Variants in EXD3 observed in about 807,000 individuals in gnomAD.
EXD3 encodes the protein exonuclease 3'-5' domain containing 3.
Under a neutral mutation model 98.0 loss-of-function variants are expected in EXD3, and 92 were observed. That is an observed-to-expected ratio of 0.94 (90% CI 0.79 to 1.12). The LOEUF is 1.12. EXD3 is among the 50% of genes most tolerant of loss of function. EXD3 has a pLI of 0.00. For synonymous variants in EXD3, 569 were observed against 526.0 expected (o/e 1.08, Z -1.12); for missense variants, 1,222 against 1,191.6 (o/e 1.03, Z -0.38).
intron 19 of EXD3, among the ~76,000 whole-genome samples, chr9:137,310,492 G>A (rs1044771424): frequency 6.6e-6 from 1 of 152,214 alleles, no homozygotes; most frequent in Non-Finnish European, 1.5e-5. Context: ...GTTTCCCAAA[G>A]TGCTGGGACT....
intron 17 of EXD3, among the ~76,000 whole-genome samples, chr9:137,327,067 G>T (rs80155714): frequency 0.02 from 2,992 of 152,132 alleles, 94 homozygotes; most frequent in East Asian, 0.15. Flanking sequence ...AATTCATAGA[G>T]GCAGAAAGTG....
At chr9:137,315,418 C>T (rs868321690) in intron 19 of EXD3, among the ~76,000 whole-genome samples, 7 of 152,344 alleles carry the variant, frequency 4.6e-5, no homozygotes, top group South Asian at 2.1e-4. Context: ...GTGGGCCTGA[C>T]CCGCTGGCAG....
chr9:137,401,324 T>C (rs1837473971), intron 1 of EXD3, among the ~76,000 whole-genome samples: 1 of 151,934 alleles, frequency 6.6e-6, no homozygotes, highest in Non-Finnish European at 1.5e-5. Context: ...CGACTAAATA[T>C]TTTTGTATTT....
chr9:137,413,568 C>G (rs1054222197), intron 1 of EXD3, among the ~76,000 whole-genome samples: 5 of 146,214 alleles, frequency 3.4e-5, no homozygotes, highest in Non-Finnish European at 5.9e-5. Flanking sequence ...TGCAGTGGTG[C>G]GATCCCAGCT....
At chr9:137,309,542 G>T in intron 20 of EXD3, 65 bp downstream of exon 20, 1 of 1,363,436 alleles carries the variant, frequency 7.3e-7, no homozygotes, top group Non-Finnish European at 1.0e-6. Flanking sequence ...CCTCTCCCTG[G>T]CTACCTCAGT....
At chr9:137,383,206 G>T (rs1836406477) in intron 3 of EXD3, 107 bp downstream of exon 3, 2 of 913,974 alleles carry the variant, frequency 2.2e-6, no homozygotes, top group African/African-American at 1.7e-5. Context: ...GCCGTGGGGG[G>T]CTGTGCAGCT....
intron 10 of EXD3, 91 bp downstream of exon 10, chr9:137,354,248 T>C: frequency 6.5e-7 from 1 of 1,550,044 alleles, no homozygotes; most frequent in Non-Finnish European, 8.7e-7. Flanking sequence ...GCCTCAGCTC[T>C]GCGCACTTCC....
intron 19 of EXD3, among the ~76,000 whole-genome samples, chr9:137,311,517 G>C (rs1831360801): frequency 6.6e-6 from 1 of 152,244 alleles, no homozygotes; most frequent in African/African-American, 2.4e-5. Context: ...GGCCTTCCCA[G>C]GACCTGGGCC....
chr9:137,318,194 C>G (rs1478235696), intron 19 of EXD3, among the ~76,000 whole-genome samples: 2 of 152,156 alleles, frequency 1.3e-5, no homozygotes, highest in Non-Finnish European at 2.9e-5. Context: ...GGAGCCCACT[C>G]TGTCCCCTCC....
intron 20 of EXD3, among the ~76,000 whole-genome samples, chr9:137,309,056 G>A (rs940585194): frequency 5.3e-5 from 8 of 152,124 alleles, no homozygotes; most frequent in African/African-American, 1.7e-4. Flanking sequence ...CCTCCCTCCC[G>A]AGGGTAGGGG....
chr9:137,351,265 G>T (rs952595103), intron 13 of EXD3, 53 bp downstream of exon 13: 142 of 1,563,850 alleles, frequency 9.1e-5, no homozygotes, highest in Non-Finnish European at 1.1e-4. Flanking sequence ...TCAGGCAGGG[G>T]TGCGGGCTGC....
Position 137,393,642 on chromosome 9 carries a change from G to A in EXD3, c.55+1661C>T, listed in dbSNP as rs1207898253. Among the ~76,000 whole-genome samples, 1 of 152,192 alleles carries A rather than the reference G, an allele frequency of 6.6e-6. No individual in the cohort carries two copies. The highest frequency in any genetic ancestry group is 1.5e-5 in the Non-Finnish European group (1 of 68,012). On this transcript the variant is annotated intron_variant, in intron 2 of 21. Coordinates refer to ENST00000340951, the MANE Select transcript of EXD3 (RefSeq NM_017820.5). The surrounding 1 kb of genome is among the most constrained non-coding windows in gnomAD (Gnocchi z 4.6). The stretch of plus-strand genomic sequence containing the variant: ...GAAGGCAGAGAGGAAGCCCCTGGAG[G>A]GGTCCAAGGCCCGAGGAGGCAACTG...
intron 3 of EXD3, among the ~76,000 whole-genome samples, chr9:137,380,812 G>A (rs1415594395): frequency 2.7e-5 from 4 of 148,556 alleles, no homozygotes; most frequent in Admixed American, 6.7e-5. Flanking sequence ...AGGCCCCCCC[G>A]AGGGGCTGTT....
intron 6 of EXD3, among the ~76,000 whole-genome samples, chr9:137,367,155 CA>C (rs748222804): frequency 6.6e-6 from 1 of 152,212 alleles, no homozygotes; most frequent in Non-Finnish European, 1.5e-5. Context: ...TCCCTTCCCC[CA>C]CCTCCTCTGC....
chr9:137,317,390 T>G (rs1251643739), intron 19 of EXD3, among the ~76,000 whole-genome samples: 5 of 151,872 alleles, frequency 3.3e-5, no homozygotes, highest in African/African-American at 1.2e-4. Context: ...CCAGGCTGAG[T>G]GGAGCCAGGC....
intron 1 of EXD3, among the ~76,000 whole-genome samples, chr9:137,406,470 C>T (rs774539334): frequency 6.6e-6 from 1 of 152,078 alleles, no homozygotes; most frequent in African/African-American, 2.4e-5. Flanking sequence ...GACAGGAGGC[C>T]GCTCCACCTC....
chr9:137,307,213 G>A lies in EXD3; in HGVS notation c.2368C>T (p.Arg790Cys), dbSNP rs759616156. ...CGCAGGTCAGCCATCTGCAGCCAGC[G>A]GCAGGGGCGGTCATAGGTGCAGCCC... ...PEGCTYDRPC[R>C]WLQMADLRAE... is the part of the protein sequence containing the mutation. The change falls in exon 22 of 22, where the codon CGC (arginine) becomes TGC (cysteine). Residue 790 changes from arginine to cysteine, a missense_variant. Physicochemically the swap from Arg to Cys is radical, Grantham distance 180. Transcript: ENST00000340951. 32 of 1,574,686 alleles carry A rather than the reference G, an allele frequency of 2.0e-5. No homozygotes were observed. The highest frequency in any genetic ancestry group is 2.5e-5 in the Non-Finnish European group (29 of 1,160,244).
At chr9:137,323,703 G>C in intron 19 of EXD3, 22 bp downstream of exon 19, 1 of 1,609,248 alleles carries the variant, frequency 6.2e-7, no homozygotes, top group South Asian at 1.1e-5. Context: ...GCCCCAGGTA[G>C]GACGGGGTGC....
intron 19 of EXD3, among the ~76,000 whole-genome samples, chr9:137,319,658 G>C (rs779753013): frequency 6.6e-6 from 1 of 152,210 alleles, no homozygotes; most frequent in Non-Finnish European, 1.5e-5. Flanking sequence ...CCAAGGAGGC[G>C]GGTGCGCACA....
Sources: gnomAD v4.1 joint callset for allele counts (sites outside exome capture counted in the v4.1 genomes callset) on GRCh38, gnomAD v4.1.1 for gene constraint, Gnocchi (gnomAD v3.1) non-coding constraint, MANE v1.5 for transcripts, NCBI Gene and HGNC (gene_info 2026-07-23, HGNC 2026-07-21) for gene names.